Variants in PHF20L1 observed in about 807,000 individuals in gnomAD.
The protein encoded by PHF20L1 is PHD finger protein 20 like 1.
Under a neutral mutation model 125.5 loss-of-function variants are expected in PHF20L1, and 44 were observed. That is an observed-to-expected ratio of 0.35 (90% CI 0.28 to 0.45). The LOEUF (loss-of-function observed/expected upper bound fraction) is 0.45. Ranked by LOEUF, PHF20L1 falls within the 20% of genes least tolerant of loss-of-function variation. PHF20L1 has a pLI of 1.00. For synonymous variants in PHF20L1, 380 were observed against 403.1 expected, an observed-to-expected ratio of 0.94 and a Z score of 0.69; for missense variants, 1,012 against 1,217.2, an observed-to-expected ratio of 0.83 and a Z score of 2.51.
chr8:132,800,651 G>A lies in PHF20L1; in HGVS notation c.507+1479G>A, dbSNP rs1316063746. 2.6e-5 allele frequency among the ~76,000 whole-genome samples: 4 copies of A among 151,670 alleles called. No individual in the cohort carries two copies. In the East Asian group the frequency reaches 7.7e-4, roughly 29 times the overall value. On this transcript the variant is annotated intron_variant, in intron 6 of 20. Transcript: ENST00000395386. ...TGCTCTTCCTGAACCTGTCTAAAAT[G>A]TGACATTAGTAACACTTTTGTATAT... is the stretch of plus-strand genomic sequence containing the variant.
At chr8:132,836,026 G>A (rs1247180820) in intron 15 of PHF20L1, among the ~76,000 whole-genome samples, 1 of 151,614 alleles carries the variant, frequency 6.6e-6, no homozygotes, top group Non-Finnish European at 1.5e-5. Context: ...TTTTCAAAAA[G>A]CACTTTATTA....
Position 132,848,337 on chromosome 8 carries a change from C to G in PHF20L1, c.*2414C>G, listed in dbSNP as rs1248643491. 5 of 152,420 alleles carry G rather than the reference C, an allele frequency of 3.3e-5. No homozygotes were observed. The highest frequency in any genetic ancestry group is 1.2e-4 in the African/African-American group (5 of 41,392). The allele number at this position is 152,420 out of a possible 1,614,324, so 9.4% of individuals were successfully genotyped here. ...ATAGAGTATACCAATCGATTGAAGC[C>G]TTTCACAAGTAGTGCGCTGAGCTTT... On this transcript the variant is annotated 3_prime_UTR_variant, in exon 21 of 21. Coordinates refer to ENST00000395386, the MANE Select transcript of PHF20L1 (RefSeq NM_016018.5).
chr8:132,787,462 G>A (rs144944290), intron 2 of PHF20L1, among the ~76,000 whole-genome samples: 159 of 152,220 alleles, frequency 1.0e-3, no homozygotes, highest in Middle Eastern at 0.01. Flanking sequence ...GGATCAATAG[G>A]TCTGAAAAGG....
intron 2 of PHF20L1, among the ~76,000 whole-genome samples, chr8:132,791,378 C>T (rs1475991441): frequency 2.0e-5 from 3 of 151,794 alleles, no homozygotes; most frequent in Non-Finnish European, 2.9e-5. Context: ...CTCAGCCTCC[C>T]GAGTAGCCGG....
chr8:132,813,477 G>T (rs910865789), intron 9 of PHF20L1, among the ~76,000 whole-genome samples: 14 of 152,000 alleles, frequency 9.2e-5, no homozygotes, highest in African/African-American at 3.1e-4. Context: ...AGTGGGAACA[G>T]AATTATTTAT....
At chr8:132,780,738 T>C (rs905443177) in intron 2 of PHF20L1, among the ~76,000 whole-genome samples, 2 of 152,184 alleles carry the variant, frequency 1.3e-5, no homozygotes, top group African/African-American at 2.4e-5. Flanking sequence ...AGTATATTAC[T>C]GAGAAACTAA....
In PHF20L1 at chr8:132,804,598, T is replaced by A; in HGVS notation, c.722-17T>A. The A allele has an allele frequency of 6.3e-7, 1 of 1,585,822 alleles. No homozygotes were observed. Among genetic ancestry groups the A allele is most frequent in the Non-Finnish European group, 8.6e-7 (1 of 1,158,198 alleles). The stretch of plus-strand genomic sequence containing the variant: ...GATTCTAGATAAACTCTCATATATG[T>A]GTTCTGTTGAAAGTAGGACTTCATG... On this transcript the variant is annotated splice_polypyrimidine_tract_variant and intron_variant, in intron 7 of 20. Transcript: ENST00000395386.
intron 7 of PHF20L1, among the ~76,000 whole-genome samples, chr8:132,804,342 A>G (rs756225019): frequency 1.3e-5 from 2 of 151,722 alleles, no homozygotes; most frequent in Admixed American, 6.6e-5. Flanking sequence ...TTTTTCTTCA[A>G]CCTTTTAAAT....
intron 19 of PHF20L1, chr8:132,843,170 A>C: frequency 9.4e-7 from 1 of 1,067,140 alleles, no homozygotes; most frequent in Non-Finnish European, 1.1e-6. Flanking sequence ...TTGTATTCAA[A>C]ACGAAAATGT....
At chr8:132,840,023 GC>G (rs1244724116) in intron 18 of PHF20L1, among the ~76,000 whole-genome samples, 1 of 151,998 alleles carries the variant, frequency 6.6e-6, no homozygotes, top group Non-Finnish European at 1.5e-5. Context: ...TCACTTCTCT[GC>G]TGTGCACCAA....
In PHF20L1 at chr8:132,833,994, C is replaced by T. The variant is rs553535249; in HGVS notation, c.1909+1595C>T. The stretch of plus-strand genomic sequence containing the variant: ...GTTGCTGATCAGGAAACCACACTTG[C>T]AAAATGCTGTCTCAGGAAATAGCAA... On this transcript the variant is annotated intron_variant, in intron 15 of 20. Transcript: ENST00000395386. Among the ~76,000 whole-genome samples the T allele has an allele frequency of 8.5e-5, 13 of 152,204 alleles. 1 individual carries two copies. The South Asian group carries it at 2.7e-3, about 32-fold the overall frequency.
At chr8:132,819,828 TTC>T (rs1355941042) in intron 12 of PHF20L1, among the ~76,000 whole-genome samples, 1 of 151,924 alleles carries the variant, frequency 6.6e-6, no homozygotes, top group Non-Finnish European at 1.5e-5. Flanking sequence ...CAGAGACATT[TTC>T]TGAGTTATTT....
intron 19 of PHF20L1, 87 bp from the exon 20 acceptor site, chr8:132,844,069 G>A: frequency 1.9e-6 from 3 of 1,560,200 alleles, no homozygotes; most frequent in South Asian, 1.2e-5. Flanking sequence ...ACTGTTACCA[G>A]TGATGAGGTG....
chr8:132,778,884 G>A (rs553053742), intron 2 of PHF20L1, among the ~76,000 whole-genome samples: 1 of 152,264 alleles, frequency 6.6e-6, no homozygotes, highest in East Asian at 1.9e-4. Context: ...AGCAGCTCTT[G>A]GACTTTCCCA....
Position 132,846,627 on chromosome 8 carries a change from C to T in PHF20L1, c.*704C>T, listed in dbSNP as rs1006544775. 3.9e-5 allele frequency: 6 copies of T among 152,376 alleles called. No homozygotes were observed. The highest frequency in any genetic ancestry group is 1.9e-4 in the East Asian group (1 of 5,194). The allele number at this position is 152,376 out of a possible 1,614,324, so 9.4% of individuals were successfully genotyped here. ...AAACAAACTGGCTTGCAGAAGGGTC[C>T]GATGTGCCAAGTGATCATGATTCTG... On this transcript the variant is annotated 3_prime_UTR_variant, in exon 21 of 21. Transcript: ENST00000395386.
chr8:132,816,731 G>A, intron 10 of PHF20L1, 157 bp from the exon 11 acceptor site: 1 of 529,108 alleles, frequency 1.9e-6, no homozygotes, highest in Non-Finnish European at 3.3e-6. Flanking sequence ...CACAATTTTT[G>A]CCTTTGATTA....
intron 9 of PHF20L1, chr8:132,811,338 C>G: frequency 8.0e-7 from 1 of 1,251,220 alleles, no homozygotes; most frequent in Non-Finnish European, 1.0e-6. Context: ...GGCATTAAAG[C>G]CTTTGTCTCC....
intron 2 of PHF20L1, among the ~76,000 whole-genome samples, chr8:132,790,615 T>C (rs1002594922): frequency 9.2e-5 from 14 of 152,234 alleles, no homozygotes; most frequent in African/African-American, 3.4e-4. Flanking sequence ...TGTTACTCTT[T>C]CCTTTAAGTG....
Position 132,797,590 on chromosome 8 carries a change from G to T in PHF20L1, c.341-1182G>T, listed in dbSNP as rs1586901835. Among the ~76,000 whole-genome samples, 4 of 152,138 alleles carry T rather than the reference G, an allele frequency of 2.6e-5. No individual in the cohort carries two copies. In the South Asian group the frequency reaches 8.3e-4, roughly 32 times the overall value. ...GTTGCAGGAAAGATGGAAGTGCCAG[G>T]TGTACACAGAGTTTGGCATTCTCAA... On this transcript the variant is annotated intron_variant, in intron 4 of 20. Transcript: ENST00000395386.
Sources: gnomAD v4.1 joint callset for allele counts (sites outside exome capture counted in the v4.1 genomes callset) on GRCh38, gnomAD v4.1.1 for gene constraint, MANE v1.5 for transcripts, NCBI Gene and HGNC (gene_info 2026-07-23, HGNC 2026-07-21) for gene names.